OCRL: variants seen among roughly 807,000 people sequenced by gnomAD.
OCRL encodes the protein inositol polyphosphate 5-phosphatase OCRL.
A neutral mutation model predicts 78.9 loss-of-function variants in OCRL; 8 were observed. That is an observed-to-expected ratio of 0.10 (90% confidence interval 0.06 to 0.18). The LOEUF (loss-of-function observed/expected upper bound fraction) is 0.18. OCRL is among the 10% of genes least tolerant of loss of function. OCRL has a pLI of 1.00. For synonymous variants in OCRL, 240 were observed against 235.4 expected (o/e 1.02, Z -0.18); for missense variants, 454 against 696.7 (o/e 0.65, Z 3.92).
chrX:129,583,828 C>T (rs1419507546), intron 18 of OCRL, among the ~76,000 whole-genome samples: 1 of 111,100 alleles, frequency 9.0e-6, no homozygotes, highest in Non-Finnish European at 1.9e-5. Context: ...AATCTGGGCA[C>T]TCTGGGGGCC....
intron 14 of OCRL, among the ~76,000 whole-genome samples, chrX:129,568,074 C>T (rs1415490632): frequency 1.8e-5 from 2 of 109,962 alleles, no homozygotes; most frequent in Admixed American, 1.9e-4. Flanking sequence ...CCACCACGCC[C>T]GGCTAATTTT....
At chrX:129,561,844 G>A (rs1936149555) in intron 10 of OCRL, among the ~76,000 whole-genome samples, 1 of 111,980 alleles carries the variant, frequency 8.9e-6, no homozygotes, top group African/African-American at 3.2e-5. Flanking sequence ...AAGAAGTAAT[G>A]TGAGTAATTT....
chrX:129,588,019 C>T (rs749836461), intron 20 of OCRL, among the ~76,000 whole-genome samples, 160 bp from the exon 21 acceptor site: 1 of 111,741 alleles, frequency 8.9e-6, no homozygotes, highest in Non-Finnish European at 1.9e-5. Flanking sequence ...TAGAGAAATG[C>T]TAAAGGAAAA....
rs1247304752 is a variant in OCRL at position 129,540,472 on chromosome X, G to T, written c.33G>T (p.Pro11=). 8.7e-7 allele frequency: 1 copy of T among 1,154,398 alleles called. No individual in the cohort carries two copies. The highest frequency in any genetic ancestry group is 3.3e-5 in the East Asian group (1 of 30,531). The change falls in exon 1 of 24, where the codon CCG becomes CCT. Residue 11 remains proline (P), a synonymous_variant. Coordinates refer to ENST00000371113, the MANE Select transcript of OCRL (RefSeq NM_000276.4). ...CGCCGCTCCCGGTCGGAGCCCAGCC[G>T]CTTGCCGTATCCGCCGGAGAGAAGG... MEPPLPVGAQ[P]LATVEGMEMK...
chrX:129,589,379 T>C (rs977220095), intron 22 of OCRL: 13 of 284,128 alleles, frequency 4.6e-5, no homozygotes, highest in Non-Finnish European at 8.3e-5. Context: ...GTGTTTTTAA[T>C]CCTGAAATGA....
At chrX:129,551,090 C>T (rs1436629706) in intron 4 of OCRL, among the ~76,000 whole-genome samples, 1 of 111,541 alleles carries the variant, frequency 9.0e-6, no homozygotes, top group Non-Finnish European at 1.9e-5. Context: ...CTGTATTGTA[C>T]TAATTTCCTA....
rs201211377 is a variant in OCRL at position 129,540,739 on chromosome X, C to T, written c.40-5C>T. 2.0e-4 allele frequency: 235 copies of T among 1,203,798 alleles called. No homozygotes were observed. The African/African-American group carries it at 3.3e-3, about 17-fold the overall frequency. On this transcript the variant is annotated splice_polypyrimidine_tract_variant and splice_region_variant and intron_variant, in intron 1 of 23. Coordinates refer to ENST00000371113, the MANE Select transcript of OCRL (RefSeq NM_000276.4). ...CCGAAGGAGACCCTTGACTAGCGCCCGCATACTGTCGAGGGTATGGAGATG... is the reference window on the plus strand; with the variant it reads ...CCGAAGGAGACCCTTGACTAGCGCCTGCATACTGTCGAGGGTATGGAGATG...
intron 4 of OCRL, among the ~76,000 whole-genome samples, chrX:129,557,057 G>T (rs1451180028): frequency 1.8e-5 from 2 of 111,287 alleles, no homozygotes; most frequent in Non-Finnish European, 3.8e-5. Context: ...TATAATTTTA[G>T]TATGTGTCAT....
intron 19 of OCRL, among the ~76,000 whole-genome samples, chrX:129,584,715 C>T (rs184809457): frequency 8.9e-6 from 1 of 111,855 alleles, no homozygotes; most frequent in Admixed American, 9.5e-5. Flanking sequence ...ACAATAAAAC[C>T]TGAAGAAGTA....
intron 15 of OCRL, among the ~76,000 whole-genome samples, chrX:129,573,343 C>G (rs747433834): frequency 1.8e-5 from 2 of 111,714 alleles, no homozygotes; most frequent in African/African-American, 6.5e-5. Context: ...TTAAGCCCCA[C>G]GTGCATTAGC....
intron 15 of OCRL, among the ~76,000 whole-genome samples, chrX:129,569,942 C>A (rs1936277666): frequency 9.6e-6 from 1 of 104,067 alleles, no homozygotes; most frequent in Non-Finnish European, 1.9e-5. Context: ...TTCCCGGGTT[C>A]AAGCGATGCC....
chrX:129,588,377 T>A, intron 21 of OCRL, 114 bp downstream of exon 21: 2 of 575,124 alleles, frequency 3.5e-6, no homozygotes, highest in Non-Finnish European at 2.9e-6. Flanking sequence ...ATATCTTTTA[T>A]TATAAGATAA....
chrX:129,590,191 T>A lies in OCRL; in HGVS notation c.2627T>A (p.Met876Lys), dbSNP rs752439587. ...CTCCTGAGGCCTCCACCCAACCTTA[T>A]GGCAAGACAGACTCCAAGTGACCGC... Reference protein sequence around the residue: ...SLLLRPPPNLMARQTPSDRQR... With the variant: ...SLLLRPPPNLKARQTPSDRQR... Residue 876 changes from methionine to lysine, a missense_variant, in exon 24 of 24, where the codon ATG (methionine) becomes AAG (lysine). Coordinates refer to ENST00000371113, the MANE Select transcript of OCRL (RefSeq NM_000276.4). The A allele has an allele frequency of 1.7e-6, 2 of 1,211,332 alleles. No individual in the cohort carries two copies. Among genetic ancestry groups the A allele is most frequent in the East Asian group, 5.9e-5 (2 of 33,837 alleles).
intron 4 of OCRL, 43 bp downstream of exon 4, chrX:129,548,644 A>G (rs780922991): frequency 4.6e-6 from 5 of 1,076,238 alleles, no homozygotes; most frequent in East Asian, 6.0e-5. Flanking sequence ...CTCAACAAAT[A>G]TTTACTTGAA....
At chrX:129,575,871 G>T (rs779779726) in intron 16 of OCRL, 26 bp from the exon 17 acceptor site, 4 of 1,209,479 alleles carry the variant, frequency 3.3e-6, no homozygotes, top group South Asian at 1.8e-5. Context: ...AGTGATGCAT[G>T]TTTGTGTCTG....
chrX:129,578,143 CA>C (rs1936397144), intron 18 of OCRL, among the ~76,000 whole-genome samples: 2 of 111,582 alleles, frequency 1.8e-5, no homozygotes, highest in Non-Finnish European at 3.8e-5. Context: ...CATCTCTTAA[CA>C]AAAAGGGCAC....
chrX:129,586,768 G>T (rs752077709), intron 19 of OCRL: 39 of 506,089 alleles, frequency 7.7e-5, no homozygotes, highest in Non-Finnish European at 1.2e-4. Flanking sequence ...CATCATAAAC[G>T]CAAATGAAAT....
At chrX:129,559,514 T>C (rs1936116405) in intron 8 of OCRL, among the ~76,000 whole-genome samples, 1 of 112,099 alleles carries the variant, frequency 8.9e-6, no homozygotes, top group East Asian at 2.8e-4. Context: ...TTGGATTTTC[T>C]AACTACTAAT....
At chrX:129,581,159 C>T (rs1936434516) in intron 18 of OCRL, among the ~76,000 whole-genome samples, 2 of 112,796 alleles carry the variant, frequency 1.8e-5, no homozygotes. Context: ...GCCACCGTGC[C>T]CGGCTATGCT....
Sources: allele counts gnomAD v4.1 joint callset (sites outside exome capture counted in the v4.1 genomes callset), GRCh38; gene constraint gnomAD v4.1.1; transcripts MANE v1.5; gene names NCBI Gene and HGNC (gene_info 2026-07-23, HGNC 2026-07-21).